Variants in STPG2 observed in about 807,000 individuals in gnomAD.
STPG2 encodes sperm-tail PG-rich repeat-containing protein 2.
In STPG2, 56 loss-of-function variants were observed where a neutral mutation model predicts 54.2. The ratio of observed to expected loss-of-function variants is 1.03; its 90% CI spans 0.83 to 1.29. The LOEUF (loss-of-function observed/expected upper bound fraction) is 1.29. Ranked by LOEUF, STPG2 falls within the 50% of genes most tolerant of loss-of-function variation. The pLI is 0.00. For synonymous variants in STPG2, 200 were observed against 181.8 expected (o/e 1.10, Z -0.81); for missense variants, 596 against 544.9 (o/e 1.09, Z -0.93).
chr4:97,664,810 G>A (rs557268975), intron 10 of STPG2, among the ~76,000 whole-genome samples: 1 of 152,004 alleles, frequency 6.6e-6, no homozygotes, highest in East Asian at 1.9e-4. Flanking sequence ...TTTTGCTCAG[G>A]TCTGCTGGGC....
chr4:97,829,089 G>A (rs1443970467), intron 9 of STPG2, among the ~76,000 whole-genome samples: 4 of 152,150 alleles, frequency 2.6e-5, no homozygotes, highest in South Asian at 2.1e-4. Flanking sequence ...AGACATCTCC[G>A]AGTAGGGGTC....
chr4:97,850,623 AAAAAT>A (rs1388708050), intron 8 of STPG2, among the ~76,000 whole-genome samples: 1 of 151,992 alleles, frequency 6.6e-6, no homozygotes, highest in African/African-American at 2.4e-5. Flanking sequence ...ACTTCTTGCA[AAAAAT>A]AAAATAAAAT....
chr4:97,692,645 TC>T (rs1425161462), intron 10 of STPG2, among the ~76,000 whole-genome samples: 2 of 152,164 alleles, frequency 1.3e-5, no homozygotes. Context: ...AAGGAAATCT[TC>T]CCCAGCCTTG....
chr4:97,494,472 C>T (rs980961688), intron 4 of STPG2, among the ~76,000 whole-genome samples: 7 of 151,520 alleles, frequency 4.6e-5, no homozygotes, highest in Admixed American at 3.3e-4. Context: ...GTGCCTACAG[C>T]TCTGCTCTCT....
chr4:97,455,141 A>C (rs1284170050), intron 4 of STPG2, among the ~76,000 whole-genome samples: 1 of 152,162 alleles, frequency 6.6e-6, no homozygotes, highest in East Asian at 1.9e-4. Flanking sequence ...AAAATGCAAA[A>C]CTAGAAAACT....
chr4:97,539,723 T>G (rs1243521175), intron 4 of STPG2, among the ~76,000 whole-genome samples: 2 of 152,014 alleles, frequency 1.3e-5, no homozygotes, highest in Non-Finnish European at 2.9e-5. Context: ...TCTACAGAAC[T>G]CTCCACCACA....
intron 9 of STPG2, among the ~76,000 whole-genome samples, chr4:97,764,165 C>T (rs1199826716): frequency 6.6e-6 from 1 of 151,624 alleles, no homozygotes; most frequent in Non-Finnish European, 1.5e-5. Context: ...GACACACACA[C>T]ACACATAGGC....
chr4:97,456,382 C>G (rs1019474863), intron 4 of STPG2, among the ~76,000 whole-genome samples: 1 of 152,010 alleles, frequency 6.6e-6, no homozygotes, highest in Non-Finnish European at 1.5e-5. Context: ...AAAACCAGAT[C>G]TTGGGAGAAT....
At chr4:97,951,830 C>T (rs1195731781) in intron 7 of STPG2, among the ~76,000 whole-genome samples, 3 of 151,992 alleles carry the variant, frequency 2.0e-5, no homozygotes, top group African/African-American at 7.3e-5. Flanking sequence ...ATAGGCGTCC[C>T]AGGGAAGAAA....
rs534251640 is a variant in STPG2, at chr4:97,632,288, T to G, written c.1321-73171A>C. Among the ~76,000 whole-genome samples the G allele has an allele frequency of 5.3e-5, 8 of 150,848 alleles. No individual in the cohort carries two copies. In the South Asian group the frequency reaches 1.5e-3, roughly 27 times the overall value. The stretch of plus-strand genomic sequence containing the variant: ...ACAAATTTTAACAAGCTTATTGGTT[T>G]TTTTTTTTTTTATTTCTGAGCTTCC... On this transcript the variant is annotated intron_variant, in intron 10 of 10. Coordinates refer to ENST00000295268, the MANE Select transcript of STPG2 (RefSeq NM_174952.3).
intron 4 of STPG2, among the ~76,000 whole-genome samples, chr4:97,455,553 C>T (rs1361377167): frequency 6.6e-6 from 1 of 152,144 alleles, no homozygotes; most frequent in Non-Finnish European, 1.5e-5. Flanking sequence ...AGCGGCCTGA[C>T]TCCAGGGGAA....
chr4:98,003,973 T>G (rs1735495375), intron 5 of STPG2, among the ~76,000 whole-genome samples: 3 of 152,122 alleles, frequency 2.0e-5, no homozygotes. Flanking sequence ...CTAATTAACA[T>G]GTACATCACC....
chr4:97,955,375 T>C (rs7670279), intron 7 of STPG2, among the ~76,000 whole-genome samples: 60,149 of 151,782 alleles, frequency 0.4, 12,059 homozygotes, highest in Middle Eastern at 0.46. Flanking sequence ...CCACCATGCC[T>C]GGCTAATTTT....
chr4:98,125,660 C>T (rs1222835122), intron 3 of STPG2, among the ~76,000 whole-genome samples: 1 of 152,182 alleles, frequency 6.6e-6, no homozygotes, highest in African/African-American at 2.4e-5. Context: ...AGATCAGGGA[C>T]CTGCTTAAAG....
At chr4:97,872,749 C>G (rs1179136305) in intron 8 of STPG2, among the ~76,000 whole-genome samples, 3 of 151,204 alleles carry the variant, frequency 2.0e-5, no homozygotes, top group African/African-American at 7.3e-5. Flanking sequence ...TTTTGACTCA[C>G]AGATTCCTGT....
At chr4:98,095,708 A>G (rs1738838589) in intron 5 of STPG2, among the ~76,000 whole-genome samples, 1 of 152,236 alleles carries the variant, frequency 6.6e-6, no homozygotes, top group South Asian at 2.1e-4. Context: ...ATATACACCA[A>G]TACAATAACA....
intron 4 of STPG2, among the ~76,000 whole-genome samples, chr4:97,449,847 G>T (rs971983130): frequency 6.6e-6 from 1 of 152,130 alleles, no homozygotes; most frequent in Non-Finnish European, 1.5e-5. Context: ...CACACAGCCA[G>T]GGCAATCCAC....
intron 10 of STPG2, among the ~76,000 whole-genome samples, chr4:97,640,769 T>C (rs986303777): frequency 7.9e-5 from 12 of 151,314 alleles, no homozygotes; most frequent in African/African-American, 2.9e-4. Context: ...TATTGAAAAT[T>C]AAAGATTTAG....
At chr4:97,553,997 G>A (rs2148869355), downstream of STPG2, among the ~76,000 whole-genome samples, 1 of 152,190 alleles carries the variant, frequency 6.6e-6, no homozygotes, top group Admixed American at 6.5e-5. Context: ...TTTTCTAACA[G>A]TTCTAAGGTC....
Sources: allele counts gnomAD v4.1 joint callset (sites outside exome capture counted in the v4.1 genomes callset), GRCh38; gene constraint gnomAD v4.1.1; transcripts MANE v1.5; gene names NCBI Gene and HGNC (gene_info 2026-07-23, HGNC 2026-07-21).